PDE3A: variants seen among roughly 807,000 people sequenced by gnomAD.
PDE3A encodes the protein phosphodiesterase 3A.
A neutral mutation model predicts 98.3 loss-of-function variants in PDE3A; 43 were observed. The observed-to-expected ratio is 0.44, with a 90% confidence interval of 0.34 to 0.56. The LOEUF is 0.56. PDE3A is among the 20% of genes least tolerant of loss of function. PDE3A has a pLI of 0.01. For missense variants in PDE3A, 1,427 were observed against 1,440.7 expected, an observed-to-expected ratio of 0.99 and a Z score of 0.15; for synonymous variants, 663 against 567.9, an observed-to-expected ratio of 1.17 and a Z score of -2.38.
intron 15 of PDE3A, among the ~76,000 whole-genome samples, chr12:20,657,904 T>C (rs1945079781): frequency 6.6e-6 from 1 of 152,204 alleles, no homozygotes; most frequent in South Asian, 2.1e-4. Flanking sequence ...CATCAATGTG[T>C]ATAACTTTAA....
intron 1 of PDE3A, among the ~76,000 whole-genome samples, chr12:20,400,392 T>G (rs12304616): frequency 2.9e-3 from 30 of 10,218 alleles, no homozygotes; most frequent in Non-Finnish European, 3.3e-3. Context: ...TTTTTTTTTT[T>G]TTTTTTTTTT....
At chr12:20,410,006 C>T (rs534261307) in intron 1 of PDE3A, among the ~76,000 whole-genome samples, 2 of 152,240 alleles carry the variant, frequency 1.3e-5, no homozygotes, top group East Asian at 3.9e-4. Flanking sequence ...CAAAAACTGC[C>T]TTGTAACTTT....
chr12:20,480,041 T>A (rs1945596260), intron 1 of PDE3A, among the ~76,000 whole-genome samples: 1 of 152,192 alleles, frequency 6.6e-6, no homozygotes, highest in African/African-American at 2.4e-5. Flanking sequence ...ATTTTTCTTT[T>A]GCCTATGGGG....
chr12:20,629,441 CAT>C (rs2085958003), intron 5 of PDE3A, among the ~76,000 whole-genome samples: 2 of 152,192 alleles, frequency 1.3e-5, no homozygotes, highest in Admixed American at 1.3e-4. Context: ...TCTGTATTTA[CAT>C]ATTTTAAGCA....
At chr12:20,421,542 A>G (rs532609089) in intron 1 of PDE3A, among the ~76,000 whole-genome samples, 2 of 152,160 alleles carry the variant, frequency 1.3e-5, no homozygotes, top group East Asian at 3.9e-4. Context: ...GTATAGAATA[A>G]GCAAATAGCA....
intron 1 of PDE3A, among the ~76,000 whole-genome samples, chr12:20,443,833 A>G (rs975887987): frequency 6.6e-6 from 1 of 152,188 alleles, no homozygotes; most frequent in African/African-American, 2.4e-5. Context: ...GCCTCTCAGA[A>G]GATTTGCCAA....
intron 1 of PDE3A, among the ~76,000 whole-genome samples, chr12:20,386,020 T>TATATATATAA (rs1943759563): frequency 3.2e-5 from 2 of 61,792 alleles, no homozygotes; most frequent in African/African-American, 6.9e-5. Flanking sequence ...ATATATAAAA[T>TATATATATAA]ATATATATAA....
intron 14 of PDE3A, among the ~76,000 whole-genome samples, chr12:20,652,255 A>G (rs575365699): frequency 1.0e-3 from 152 of 152,330 alleles, no homozygotes; most frequent in Admixed American, 2.5e-3. Flanking sequence ...TTATAGCAGC[A>G]TGATTTGTAG....
chr12:20,613,051 T>C (rs1367587855), intron 2 of PDE3A, among the ~76,000 whole-genome samples: 2 of 152,032 alleles, frequency 1.3e-5, no homozygotes, highest in African/African-American at 4.8e-5. Context: ...AAAATAACAT[T>C]TTATGGTATA....
At chr12:20,463,972 A>T (rs1469068973) in intron 1 of PDE3A, among the ~76,000 whole-genome samples, 1 of 152,126 alleles carries the variant, frequency 6.6e-6, no homozygotes, top group African/African-American at 2.4e-5. Flanking sequence ...TTATAGATGG[A>T]TTTTCCACTT....
chr12:20,497,072 A>G (rs1287893954), intron 1 of PDE3A, among the ~76,000 whole-genome samples: 4 of 152,132 alleles, frequency 2.6e-5, no homozygotes, highest in East Asian at 1.9e-4. Flanking sequence ...AATGGAAGCT[A>G]TATTATTAGA....
At chr12:20,408,124 T>C (rs559237376) in intron 1 of PDE3A, among the ~76,000 whole-genome samples, 2 of 152,232 alleles carry the variant, frequency 1.3e-5, no homozygotes, top group East Asian at 3.9e-4. Flanking sequence ...TTTCACCTTA[T>C]TGGTCAGGCT....
At chr12:20,391,050 A>G (rs1032067046) in intron 1 of PDE3A, among the ~76,000 whole-genome samples, 1 of 151,902 alleles carries the variant, frequency 6.6e-6, no homozygotes, top group Admixed American at 6.6e-5. Flanking sequence ...CCAGGGCAAT[A>G]TACTGTTGTA....
intron 1 of PDE3A, among the ~76,000 whole-genome samples, chr12:20,514,171 T>A (rs1946275495): frequency 1.3e-5 from 2 of 152,330 alleles, no homozygotes; most frequent in Admixed American, 1.3e-4. Flanking sequence ...AAAGAAGATA[T>A]CAAAATTTGC....
intron 5 of PDE3A, among the ~76,000 whole-genome samples, chr12:20,625,319 T>G (rs775787623): frequency 6.6e-5 from 10 of 152,202 alleles, no homozygotes; most frequent in Admixed American, 2.0e-4. Flanking sequence ...ATGATATTAT[T>G]CTGCTTTAAA....
intron 15 of PDE3A, among the ~76,000 whole-genome samples, chr12:20,660,179 T>C (rs1945131814): frequency 6.6e-6 from 1 of 152,240 alleles, no homozygotes; most frequent in South Asian, 2.1e-4. Context: ...TCCTTGGCAC[T>C]TCTCTCTTTG....
At chr12:20,553,049 G>A in intron 1 of PDE3A, 2 of 1,274,232 alleles carry the variant, frequency 1.6e-6, no homozygotes, top group South Asian at 1.4e-5. Context: ...TGCTGAAAAC[G>A]TGTCGGAGGG....
At position 20,616,271 on chromosome 12, in the gene PDE3A, T is replaced by G; in HGVS notation, c.1311T>G (p.Val437=). ...TGCCTCCTGGCTTGTTGAGACGAGTTTCTTCCACTTGGACCACCACCACCT... is the reference window on the plus strand; with the variant it reads ...TGCCTCCTGGCTTGTTGAGACGAGTGTCTTCCACTTGGACCACCACCACCT... ...RSLPPGLLRR[V]SSTWTTTTSA... The change falls in exon 4 of 16, where the codon GTT becomes GTG. Residue 437 remains valine, a synonymous_variant. Transcript: ENST00000359062. 1 of 1,613,948 alleles carries G rather than the reference T, an allele frequency of 6.2e-7. No homozygotes were observed.
intron 1 of PDE3A, among the ~76,000 whole-genome samples, chr12:20,385,704 C>T (rs1591868627): frequency 2.0e-5 from 3 of 151,074 alleles, no homozygotes; most frequent in African/African-American, 7.3e-5. Flanking sequence ...AAAACAAACA[C>T]CACATATTCT....
Sources: allele counts gnomAD v4.1 joint callset (sites outside exome capture counted in the v4.1 genomes callset), GRCh38; gene constraint gnomAD v4.1.1; transcripts MANE v1.5; gene names NCBI Gene and HGNC (gene_info 2026-07-23, HGNC 2026-07-21).